Variants in DOK6 observed in about 807,000 individuals in gnomAD.
The protein encoded by DOK6 is downstream of tyrosine kinase 6.
A neutral mutation model predicts 44.0 loss-of-function variants in DOK6; 22 were observed. The ratio of observed to expected loss-of-function variants is 0.50; its 90% CI spans 0.36 to 0.71. DOK6 has a LOEUF of 0.71. Among genes scored for constraint, DOK6 ranks in the 30% least tolerant of loss-of-function variants. DOK6 has a pLI of 0.00. For missense variants in DOK6, 340 were observed against 416.4 expected, an observed-to-expected ratio of 0.82 and a Z score of 1.60; for synonymous variants, 166 against 145.5, an observed-to-expected ratio of 1.14 and a Z score of -1.01.
chr18:69,694,089 A>AAAAAAAAAAAAAAAC (rs1372739323), intron 4 of DOK6, among the ~76,000 whole-genome samples: 1 of 144,244 alleles, frequency 6.9e-6, no homozygotes, highest in Non-Finnish European at 1.5e-5. Flanking sequence ...AAAAAAAAAA[A>AAAAAAAAAAAAAAAC]ATTGATCTAT....
chr18:69,798,572 A>C (rs1387597862), intron 7 of DOK6, among the ~76,000 whole-genome samples: 1 of 152,008 alleles, frequency 6.6e-6, no homozygotes, highest in Non-Finnish European at 1.5e-5. Flanking sequence ...GCATTTGTGC[A>C]TTAGATCATG....
intron 3 of DOK6, among the ~76,000 whole-genome samples, chr18:69,612,697 T>A (rs1223080899): frequency 2.0e-5 from 3 of 151,222 alleles, no homozygotes; most frequent in African/African-American, 7.3e-5. Context: ...TCTGGCAGAT[T>A]TGAACTCAGT....
chr18:69,722,245 T>C (rs1195224244), intron 5 of DOK6, among the ~76,000 whole-genome samples: 1 of 152,206 alleles, frequency 6.6e-6, no homozygotes, highest in Non-Finnish European at 1.5e-5. Flanking sequence ...AACTTTTAGT[T>C]CATATTTATA....
intron 3 of DOK6, among the ~76,000 whole-genome samples, chr18:69,600,577 T>C (rs557980354): frequency 7.2e-5 from 11 of 152,158 alleles, no homozygotes; most frequent in Admixed American, 1.3e-4. Flanking sequence ...TATAATATCA[T>C]CCAATGATTT....
chr18:69,426,386 A>G (rs541663332), intron 1 of DOK6, among the ~76,000 whole-genome samples: 6 of 152,296 alleles, frequency 3.9e-5, no homozygotes, highest in African/African-American at 1.4e-4. Flanking sequence ...AAATTCATTG[A>G]CTTTTAAAAT....
In DOK6 at chr18:69,786,351, C is replaced by G. The variant is rs759667942; in HGVS notation, c.856+28478C>G. On this transcript the variant is annotated intron_variant, in intron 7 of 7. Transcript: ENST00000382713. ...GCATATTTCATATGTTAGACTGCTTCCCTTTATTTTACAAGTCTGAGCTTT... is the reference window on the plus strand; with the variant it reads ...GCATATTTCATATGTTAGACTGCTTGCCTTTATTTTACAAGTCTGAGCTTT... Among the ~76,000 whole-genome samples the G allele has an allele frequency of 2.0e-3, 301 of 152,182 alleles. 9 individuals are homozygous for G. Among genetic ancestry groups the G allele is most frequent in the Non-Finnish European group, 5.0e-4 (34 of 68,032 alleles).
At chr18:69,627,536 C>T (rs1327696051) in intron 3 of DOK6, among the ~76,000 whole-genome samples, 1 of 152,202 alleles carries the variant, frequency 6.6e-6, no homozygotes, top group African/African-American at 2.4e-5. Context: ...GCAACCTCTG[C>T]CTCCCGGGTT....
chr18:69,634,550 T>C (rs1984760531), intron 3 of DOK6, among the ~76,000 whole-genome samples: 1 of 152,208 alleles, frequency 6.6e-6, no homozygotes, highest in South Asian at 2.1e-4. Context: ...TCATTTCTTT[T>C]CTGTGAATTG....
intron 2 of DOK6, among the ~76,000 whole-genome samples, chr18:69,577,046 T>G (rs577086735): frequency 2.0e-5 from 3 of 152,284 alleles, no homozygotes; most frequent in African/African-American, 7.2e-5. Context: ...CTAAATTCCC[T>G]GTAACCCAAC....
intron 1 of DOK6, among the ~76,000 whole-genome samples, chr18:69,501,894 T>C (rs137950175): frequency 4.4e-4 from 67 of 152,262 alleles, no homozygotes; most frequent in African/African-American, 1.6e-3. Flanking sequence ...ATAGCTTTCA[T>C]TGTTATTATG....
Position 69,698,471 on chromosome 18 carries a change from C to T in DOK6, c.477C>T (p.Ile159=), listed in dbSNP as rs1444524544. ...TTTATGGTGAATGCACAATGCAGAT[C>T]ACTCATGAAAATATCTATCTCTGGG... ...LDIYGECTMQ[I]THENIYLWDI... Residue 159 remains isoleucine (I), a synonymous_variant, in exon 5 of 8, where the codon ATC becomes ATT. Coordinates refer to ENST00000382713, the MANE Select transcript of DOK6 (RefSeq NM_152721.6). The T allele has an allele frequency of 9.3e-6, 15 of 1,614,056 alleles. No homozygotes were observed. The highest frequency in any genetic ancestry group is 1.3e-5 in the Non-Finnish European group (15 of 1,179,940).
intron 1 of DOK6, among the ~76,000 whole-genome samples, chr18:69,440,529 GT>G (rs1979106697): frequency 6.6e-6 from 1 of 152,116 alleles, no homozygotes; most frequent in Non-Finnish European, 1.5e-5. Flanking sequence ...TCTGTTCTCT[GT>G]TTTACCGTAT....
At chr18:69,586,894 G>A (rs1347073926) in intron 2 of DOK6, among the ~76,000 whole-genome samples, 2 of 151,876 alleles carry the variant, frequency 1.3e-5, no homozygotes, top group Non-Finnish European at 2.9e-5. Flanking sequence ...AGAGCTGTGT[G>A]GACTTCCTAG....
chr18:69,579,945 T>A (rs1983327990), intron 2 of DOK6, among the ~76,000 whole-genome samples: 1 of 152,132 alleles, frequency 6.6e-6, no homozygotes, highest in African/African-American at 2.4e-5. Flanking sequence ...TTTTAATGTT[T>A]CATTGCAGTT....
chr18:69,761,448 C>T (rs1418548311), intron 7 of DOK6, among the ~76,000 whole-genome samples: 3 of 152,184 alleles, frequency 2.0e-5, no homozygotes, highest in Non-Finnish European at 4.4e-5. Context: ...TCTGCTCATA[C>T]ATGACTAGCT....
chr18:69,736,252 T>C (rs1978601447), intron 5 of DOK6, among the ~76,000 whole-genome samples: 1 of 152,198 alleles, frequency 6.6e-6, no homozygotes, highest in South Asian at 2.1e-4. Flanking sequence ...GCATTGTGGT[T>C]GAAATCGGTG....
intron 1 of DOK6, among the ~76,000 whole-genome samples, chr18:69,472,609 A>G (rs541916787): frequency 1.3e-5 from 2 of 152,208 alleles, no homozygotes; most frequent in African/African-American, 4.8e-5. Flanking sequence ...CTATTTCTAG[A>G]ATCTTTTTAT....
chr18:69,843,607 C>T lies in DOK6; in HGVS notation c.*2224C>T, dbSNP rs1982284127. 1 of 152,196 alleles carries T rather than the reference C, an allele frequency of 6.6e-6. No homozygotes were observed. The highest frequency in any genetic ancestry group is 2.4e-5 in the African/African-American group (1 of 41,458). The allele number at this position is 152,196 out of a possible 1,614,324, so 9.4% of individuals were successfully genotyped here. On this transcript the variant is annotated 3_prime_UTR_variant, in exon 8 of 8. Transcript: ENST00000382713. ...GAGGGATTCTGCTAATCAGATGAGT[C>T]TGCTCTTGTGTCTCTTTCTTAGGAG...
At chr18:69,777,608 A>T (rs1285103788) in intron 7 of DOK6, among the ~76,000 whole-genome samples, 2 of 152,064 alleles carry the variant, frequency 1.3e-5, no homozygotes, top group Non-Finnish European at 2.9e-5. Context: ...ATCACAAAGG[A>T]CTACCCAGTT....
Sources: gnomAD v4.1 joint callset for allele counts (sites outside exome capture counted in the v4.1 genomes callset) on GRCh38, gnomAD v4.1.1 for gene constraint, MANE v1.5 for transcripts, NCBI Gene and HGNC (gene_info 2026-07-23, HGNC 2026-07-21) for gene names.